Variants in WNT7B observed in about 807,000 individuals in gnomAD.
WNT7B encodes Wnt family member 7B.
In WNT7B, 19 loss-of-function variants were observed where a neutral mutation model predicts 38.2. That is an observed-to-expected ratio of 0.50 (90% confidence interval 0.35 to 0.73). The LOEUF (loss-of-function observed/expected upper bound fraction) is 0.73, where lower values mean the gene tolerates loss of function less well. Ranked by LOEUF, WNT7B falls within the 30% of genes least tolerant of loss-of-function variation. WNT7B has a pLI of 0.01. For missense variants in WNT7B, 423 were observed against 507.9 expected, an observed-to-expected ratio of 0.83 and a Z score of 1.61; for synonymous variants, 243 against 209.3, an observed-to-expected ratio of 1.16 and a Z score of -1.39.
intron 1 of WNT7B, among the ~76,000 whole-genome samples, chr22:45,962,533 C>T (rs551219712): frequency 1.3e-5 from 2 of 152,338 alleles, no homozygotes; most frequent in South Asian, 2.1e-4. Context: ...CCAAGAAGTC[C>T]ACCAGGGTCT....
chr22:45,927,513 C>T (rs1179171737), intron 3 of WNT7B: 8 of 1,541,664 alleles, frequency 5.2e-6, no homozygotes, highest in Non-Finnish European at 7.0e-6. Context: ...GAAGTAGGGC[C>T]TTTACAGATG....
Position 45,922,824 on chromosome 22 carries a change from C to T in WNT7B, c.*32G>A, listed in dbSNP as rs1274094047. On this transcript the variant is annotated 3_prime_UTR_variant, in exon 4 of 4. Coordinates refer to ENST00000339464, the MANE Select transcript of WNT7B (RefSeq NM_058238.3). ...GGATGTGCAAAATGCCGCCGGGTTC[C>T]AGGGTGCCCGCGGCCGCCTCCGGGC... 3 of 1,569,420 alleles carry T rather than the reference C, an allele frequency of 1.9e-6. No homozygotes were observed. The highest frequency in any genetic ancestry group is 2.3e-5 in the East Asian group (1 of 44,302).
intron 3 of WNT7B, chr22:45,926,778 G>A: frequency 3.0e-6 from 3 of 985,428 alleles, no homozygotes; most frequent in Non-Finnish European, 3.6e-6. Flanking sequence ...CGAGCCCACA[G>A]AGTGGACTGA....
At chr22:45,957,517 C>G (rs183226088) in intron 1 of WNT7B, among the ~76,000 whole-genome samples, 4 of 151,654 alleles carry the variant, frequency 2.6e-5, no homozygotes, top group Non-Finnish European at 5.9e-5. Flanking sequence ...AACTGTGTCT[C>G]TACTAAATAT....
At position 45,951,002 on chromosome 22, in the gene WNT7B, C is replaced by G. The variant is rs1462065294; in HGVS notation, c.72-856G>C. On this transcript the variant is annotated intron_variant, in intron 1 of 3. Coordinates refer to ENST00000339464, the MANE Select transcript of WNT7B (RefSeq NM_058238.3). This position sits in a 1 kb window ranked among gnomAD's most constrained non-coding sequence, Gnocchi z 4.8. ...TCCTAGCAACTCTCAGGACCTGAAGCCCTAGACAAGAACCCGCAGGTCACG... is the reference window on the plus strand; with the variant it reads ...TCCTAGCAACTCTCAGGACCTGAAGGCCTAGACAAGAACCCGCAGGTCACG... Among the ~76,000 whole-genome samples, 2 of 152,216 alleles carry G rather than the reference C, an allele frequency of 1.3e-5. No homozygotes were observed. The highest frequency in any genetic ancestry group is 4.8e-5 in the African/African-American group (2 of 41,458).
intron 1 of WNT7B, among the ~76,000 whole-genome samples, chr22:45,959,269 C>G (rs9723319): frequency 0.16 from 24,437 of 152,238 alleles, 2,885 homozygotes; most frequent in African/African-American, 0.34. Context: ...CGGCCGTGGG[C>G]TGTCCCCTTG....
intron 1 of WNT7B, among the ~76,000 whole-genome samples, chr22:45,953,582 G>A (rs571737877): frequency 2.0e-5 from 3 of 152,294 alleles, no homozygotes; most frequent in African/African-American, 7.2e-5. Flanking sequence ...TGAGCAAAGC[G>A]CTTGTAGACA....
Position 45,963,507 on chromosome 22 carries a change from G to A in WNT7B, c.71+13177C>T, listed in dbSNP as rs116482936. The stretch of plus-strand genomic sequence containing the variant: ...GTGCCGTCCCTGCCTTCCCCACGGC[G>A]AGCCCCCAGTTGGAGTTCATCATTC... On this transcript the variant is annotated intron_variant, in intron 1 of 3. Transcript: ENST00000339464. 8.3e-3 allele frequency among the ~76,000 whole-genome samples: 1,261 copies of A among 152,218 alleles called. 22 individuals carry two copies. The highest frequency in any genetic ancestry group is 0.029 in the African/African-American group (1,196 of 41,536).
intron 2 of WNT7B, among the ~76,000 whole-genome samples, chr22:45,939,633 ACACACACACACACACT>A (rs1250772430): frequency 5.0e-4 from 3 of 5,958 alleles, no homozygotes; most frequent in East Asian, 0.056. Context: ...GTCTCTACAA[ACACACACACACACACT>A]CACACACACA....
intron 3 of WNT7B, chr22:45,927,511 GC>G (rs1415871869): frequency 6.5e-7 from 1 of 1,542,172 alleles, no homozygotes; most frequent in East Asian, 2.4e-5. Context: ...TGGAAGTAGG[GC>G]CTTTACAGAT....
At chr22:45,939,038 A>T (rs1032674738) in intron 2 of WNT7B, among the ~76,000 whole-genome samples, 2 of 152,262 alleles carry the variant, frequency 1.3e-5, no homozygotes, top group Non-Finnish European at 2.9e-5. Context: ...AGGAAATGCA[A>T]ATCCAACCCA....
chr22:45,927,089 G>A, intron 3 of WNT7B: 1 of 985,218 alleles, frequency 1.0e-6, no homozygotes, highest in Non-Finnish European at 1.2e-6. Flanking sequence ...GGCCTCTGCA[G>A]ATGGACAATC....
At chr22:45,929,807 CCCATCCATCTAT>C (rs1276280220) in intron 3 of WNT7B, among the ~76,000 whole-genome samples, 4 of 133,052 alleles carry the variant, frequency 3.0e-5, no homozygotes, top group East Asian at 2.0e-4. Context: ...CAACCATCTA[CCCATCCATCTAT>C]CTTCCCATGC....
In WNT7B at chr22:45,921,610, G is replaced by A. The variant is rs73175048; in HGVS notation, c.*1246C>T. The A allele has an allele frequency of 0.11, 16,734 of 152,134 alleles. 1,050 individuals carry two copies. The highest frequency in any genetic ancestry group is 0.2 in the East Asian group (1,008 of 5,140). 9.4% of individuals were successfully genotyped at this position (152,134 alleles called of 1,614,324 possible). A position where few individuals can be genotyped will look rare whatever the true frequency, so the allele number is the denominator to read the frequency against. On this transcript the variant is annotated 3_prime_UTR_variant, in exon 4 of 4. Coordinates refer to ENST00000339464, the MANE Select transcript of WNT7B (RefSeq NM_058238.3). ...ACCACTCACCACCTGCCTGACCCCC[G>A]CGGCAGCACTGTCCCAGGGGTCAGG...
intron 3 of WNT7B, among the ~76,000 whole-genome samples, chr22:45,929,722 AC>A (rs2146710683): frequency 8.8e-6 from 1 of 113,474 alleles, no homozygotes; most frequent in African/African-American, 3.2e-5. Context: ...CCGTGAATCC[AC>A]TCACCCATCC....
At chr22:45,947,273 A>G (rs2146729793) in intron 2 of WNT7B, among the ~76,000 whole-genome samples, 1 of 152,402 alleles carries the variant, frequency 6.6e-6, no homozygotes, top group Non-Finnish European at 1.5e-5. Context: ...TCCTGAGGCC[A>G]TAAGGAGCTA....
chr22:45,936,355 G>T (rs886474963), intron 2 of WNT7B, among the ~76,000 whole-genome samples: 2 of 152,238 alleles, frequency 1.3e-5, no homozygotes, highest in African/African-American at 4.8e-5. Context: ...CCGGCTACGG[G>T]TGGACCAGAC....
At chr22:45,949,844 T>G in intron 2 of WNT7B, 76 bp downstream of exon 2, 2 of 1,421,508 alleles carry the variant, frequency 1.4e-6, no homozygotes, top group Non-Finnish European at 1.9e-6. Context: ...CGGCCTAGGC[T>G]GGCCTTCAGT....
At chr22:45,958,566 C>T (rs1176689205) in intron 1 of WNT7B, among the ~76,000 whole-genome samples, 2 of 152,154 alleles carry the variant, frequency 1.3e-5, no homozygotes, top group Non-Finnish European at 2.9e-5. Context: ...TTTCAAAGCT[C>T]GGGGGGCCAA....
Sources: gnomAD v4.1 joint callset for allele counts (sites outside exome capture counted in the v4.1 genomes callset) on GRCh38, gnomAD v4.1.1 for gene constraint, Gnocchi (gnomAD v3.1) non-coding constraint, MANE v1.5 for transcripts, NCBI Gene and HGNC (gene_info 2026-07-23, HGNC 2026-07-21) for gene names.